Variants in SRGAP3 observed in about 807,000 individuals in gnomAD.
SRGAP3 encodes SLIT-ROBO Rho GTPase activating protein 3, also known as SLIT-ROBO Rho GTPase-activating protein 3.
SRGAP3 carries 39 observed loss-of-function variants against 121.1 expected under a neutral mutation model. That is an observed-to-expected ratio of 0.32 (90% CI 0.25 to 0.42). SRGAP3 has a LOEUF of 0.42. Ranked by LOEUF, SRGAP3 falls within the 10% of genes least tolerant of loss-of-function variation. The pLI is 1.00. For synonymous variants in SRGAP3, 601 were observed against 570.0 expected, an observed-to-expected ratio of 1.05 and a Z score of -0.77; for missense variants, 1,213 against 1,470.6, an observed-to-expected ratio of 0.82 and a Z score of 2.86.
In SRGAP3 at chr3:8,981,742, G is replaced by A. The variant is rs1040161636; in HGVS notation, c.*3777C>T. 8.7e-6 allele frequency: 2 copies of A among 230,182 alleles called. No individual in the cohort carries two copies. Among genetic ancestry groups the A allele is most frequent in the East Asian group, 6.2e-5 (1 of 16,184 alleles). 14.3% of individuals were successfully genotyped at this position (230,182 alleles called of 1,614,324 possible). On this transcript the variant is annotated 3_prime_UTR_variant, in exon 22 of 22. Transcript: ENST00000383836. ...GATCTCTGAACTGCTGGTTCCAGCCGATAGCCAAAATATGGCTCAATTTCC... is the reference window on the plus strand; with the variant it reads ...GATCTCTGAACTGCTGGTTCCAGCCAATAGCCAAAATATGGCTCAATTTCC...
intron 21 of SRGAP3, among the ~76,000 whole-genome samples, chr3:8,988,995 C>T (rs968770268): frequency 1.1e-4 from 17 of 152,264 alleles, no homozygotes; most frequent in Admixed American, 1.0e-3. Context: ...GCTGGGGGTG[C>T]CTGCTTTAAA....
At chr3:9,033,811 G>A (rs1162281537) in intron 11 of SRGAP3, 1 of 152,194 alleles carries the variant, frequency 6.6e-6, no homozygotes, top group African/African-American at 2.4e-5. Flanking sequence ...ATTTTACAGA[G>A]GCAGAGACTG....
intron 10 of SRGAP3, among the ~76,000 whole-genome samples, chr3:9,040,149 G>A (rs1944950000): frequency 6.6e-6 from 1 of 152,118 alleles, no homozygotes. Flanking sequence ...CTTTTTAACT[G>A]GGTCTCCTAT....
At chr3:9,344,143 A>G (rs1301885497) in intron 1 of SRGAP3, among the ~76,000 whole-genome samples, 1 of 152,162 alleles carries the variant, frequency 6.6e-6, no homozygotes, top group Non-Finnish European at 1.5e-5. Flanking sequence ...AACGTGGTGA[A>G]AGCCGATCTC....
chr3:9,029,777 A>G (rs1944386237), intron 12 of SRGAP3, among the ~76,000 whole-genome samples: 1 of 152,176 alleles, frequency 6.6e-6, no homozygotes, highest in Non-Finnish European at 1.5e-5. Context: ...CTTAGCTCAT[A>G]GTAGGTGCAC....
chr3:9,299,051 CAAAAAA>C (rs71049787), intron 3 of SRGAP3, among the ~76,000 whole-genome samples: 1 of 70,398 alleles, frequency 1.4e-5, no homozygotes, highest in East Asian at 3.5e-4. Flanking sequence ...GACTCCATCT[CAAAAAA>C]AAAAAAAAAA....
intron 1 of SRGAP3, among the ~76,000 whole-genome samples, chr3:9,129,021 A>G (rs914389402): frequency 1.3e-5 from 2 of 152,230 alleles, no homozygotes; most frequent in African/African-American, 2.4e-5. Context: ...AGATCTGTGC[A>G]TTCTACTACA....
chr3:9,234,319 C>CAAAGT lies in SRGAP3; in HGVS notation c.67+14561_67+14565dup, dbSNP rs557737659. 6.0e-4 allele frequency among the ~76,000 whole-genome samples: 92 copies of CAAAGT among 152,238 alleles called. 2 individuals carry two copies. The South Asian group carries it at 0.018, about 30-fold the overall frequency. Reference sequence around the variant, plus strand: ...CATCCTGTCTGGAGAGGCCACTGATCAAAGTAAAGACATTGTGACTGCCAA... The same window carrying CAAAGT: ...CATCCTGTCTGGAGAGGCCACTGATCAAAGTAAAGTAAAGACATTGTGACTGCCAA... On this transcript the variant is annotated intron_variant, in intron 1 of 21. Transcript: ENST00000383836.
At chr3:9,102,464 A>G (rs1948253918) in intron 3 of SRGAP3, among the ~76,000 whole-genome samples, 1 of 152,224 alleles carries the variant, frequency 6.6e-6, no homozygotes, top group East Asian at 1.9e-4. Flanking sequence ...CCTCACCTGT[A>G]AAATGAGGTG....
intron 1 of SRGAP3, among the ~76,000 whole-genome samples, chr3:9,133,074 A>G (rs190320673): frequency 2.0e-5 from 3 of 149,750 alleles, no homozygotes; most frequent in Non-Finnish European, 3.0e-5. Flanking sequence ...AAGAGAGAAT[A>G]TCTATATATA....
intron 14 of SRGAP3, among the ~76,000 whole-genome samples, chr3:9,016,588 C>T (rs1014445801): frequency 3.3e-5 from 5 of 152,198 alleles, no homozygotes; most frequent in African/African-American, 1.2e-4. Context: ...CAGATCTCTA[C>T]ATTATAAAGG....
intron 2 of SRGAP3, 106 bp downstream of exon 2, chr3:9,124,619 C>T: frequency 6.9e-7 from 1 of 1,444,144 alleles, no homozygotes; most frequent in Non-Finnish European, 9.6e-7. Context: ...AAGGCACACC[C>T]TCTGCCTCCA....
rs779823946 is a variant in SRGAP3, at chr3:8,985,637, C to T, written c.3182G>A (p.Arg1061Gln). ...QLRPPPMRPV[R>Q]PVVQHRSSSS... ...GCTGGACCGGTGCTGGACCACCGGC[C>T]GCACGGGCCGCATGGGGGGCGGGCG... Residue 1061 changes from arginine (R) to glutamine (Q), a missense_variant, in exon 22 of 22, where the codon CGG becomes CAG. Physicochemically the swap from Arg to Gln is conservative, Grantham distance 43. Around this residue, in one of 2 missense-constraint regions of SRGAP3, gnomAD observed 420 missense variants for 437.7 expected, o/e 0.96. Coordinates refer to ENST00000383836, the MANE Select transcript of SRGAP3 (RefSeq NM_014850.4). This position sits in a 1 kb window ranked among gnomAD's most constrained non-coding sequence, Gnocchi z 5.1. 6 of 1,594,760 alleles carry T rather than the reference C, an allele frequency of 3.8e-6. No individual in the cohort carries two copies. The highest frequency in any genetic ancestry group is 1.7e-4 in the Middle Eastern group (1 of 5,718).
At chr3:9,035,816 A>G (rs1359833985) in intron 11 of SRGAP3, 1 of 155,638 alleles carries the variant, frequency 6.4e-6, no homozygotes, top group East Asian at 1.7e-4. Context: ...AACCTAATAG[A>G]CTTGGAGGTC....
chr3:9,184,559 G>A (rs1171937810), intron 1 of SRGAP3, among the ~76,000 whole-genome samples: 2 of 152,144 alleles, frequency 1.3e-5, no homozygotes, highest in African/African-American at 4.8e-5. Context: ...GTAAATGGGT[G>A]TTGTTAATGT....
At chr3:9,353,922 T>A (rs1470814046) in intron 1 of SRGAP3, among the ~76,000 whole-genome samples, 1 of 152,100 alleles carries the variant, frequency 6.6e-6, no homozygotes, top group African/African-American at 2.4e-5. Context: ...ACAAAATAGA[T>A]TGGGGAGTAC....
chr3:9,075,479 C>T (rs1256347773), intron 4 of SRGAP3, among the ~76,000 whole-genome samples: 1 of 152,102 alleles, frequency 6.6e-6, no homozygotes. Flanking sequence ...CAGATAAGGA[C>T]TGGGTGATAA....
chr3:9,246,703 G>GTGAT, intron 1 of SRGAP3, among the ~76,000 whole-genome samples: 1 of 152,170 alleles, frequency 6.6e-6, no homozygotes, highest in Non-Finnish European at 1.5e-5. Flanking sequence ...AATTATGATG[G>GTGAT]TGATTAACAC....
At chr3:9,170,473 A>C (rs952580372) in intron 1 of SRGAP3, among the ~76,000 whole-genome samples, 1 of 152,016 alleles carries the variant, frequency 6.6e-6, no homozygotes, top group Non-Finnish European at 1.5e-5. Flanking sequence ...TGTGACTCAC[A>C]CTCTCACACA....
Sources: gnomAD v4.1 joint callset for allele counts (sites outside exome capture counted in the v4.1 genomes callset) on GRCh38, gnomAD v4.1.1 for gene constraint, gnomAD v4.1.1 regional missense constraint, Gnocchi (gnomAD v3.1) non-coding constraint, MANE v1.5 for transcripts, NCBI Gene and HGNC (gene_info 2026-07-23, HGNC 2026-07-21) for gene names.